Variants in KLHL13 observed in about 807,000 individuals in gnomAD.
KLHL13 encodes the protein kelch-like protein 13.
KLHL13 carries 10 observed loss-of-function variants against 37.1 expected under a neutral mutation model. The ratio of observed to expected loss-of-function variants is 0.27; its 90% CI spans 0.17 to 0.46. The LOEUF (loss-of-function observed/expected upper bound fraction) is 0.46, where lower values mean the gene tolerates loss of function less well. KLHL13 is among the 20% of genes least tolerant of loss of function. KLHL13 has a pLI of 1.00. For synonymous variants in KLHL13, 163 were observed against 181.2 expected, an observed-to-expected ratio of 0.90 and a Z score of 0.81; for missense variants, 360 against 509.3, an observed-to-expected ratio of 0.71 and a Z score of 2.82.
chrX:117,930,551 A>G (rs545336480), intron 2 of KLHL13, among the ~76,000 whole-genome samples: 1 of 112,009 alleles, frequency 8.9e-6, no homozygotes, highest in Non-Finnish European at 1.9e-5. Flanking sequence ...TTGACTTTCA[A>G]GTTGGTATGT....
At chrX:118,051,305 C>T (rs2054610577) in intron 1 of KLHL13, among the ~76,000 whole-genome samples, 1 of 110,471 alleles carries the variant, frequency 9.1e-6, no homozygotes, top group Admixed American at 9.7e-5. Flanking sequence ...CTTTGGGAGG[C>T]TGAGGTGGGC....
intron 1 of KLHL13, among the ~76,000 whole-genome samples, chrX:117,952,484 A>T (rs2147827666): frequency 9.4e-6 from 1 of 106,885 alleles, no homozygotes; most frequent in South Asian, 4.3e-4. Flanking sequence ...CATTCAGGAC[A>T]TAGGCATGGG....
exon 7 of KLHL13, chrX:117,899,241 G>A: frequency 8.3e-7 from 1 of 1,210,972 alleles, no homozygotes; most frequent in South Asian, 1.8e-5. Flanking sequence ...TTGTTCCTCT[G>A]AAGTGATTGC....
At chrX:118,046,894 T>C in intron 1 of KLHL13, among the ~76,000 whole-genome samples, 1 of 111,845 alleles carries the variant, frequency 8.9e-6, no homozygotes, top group South Asian at 3.8e-4. Flanking sequence ...ATCTACTTGA[T>C]TTAACAATTA....
chrX:117,998,618 T>C (rs140458537), intron 1 of KLHL13, among the ~76,000 whole-genome samples: 13 of 111,162 alleles, frequency 1.2e-4, no homozygotes, highest in Middle Eastern at 4.7e-3. Context: ...CACAGCACAA[T>C]GAAGGGTAGA....
At chrX:118,098,364 A>G (rs1430270304) in intron 1 of KLHL13, among the ~76,000 whole-genome samples, 3 of 111,765 alleles carry the variant, frequency 2.7e-5, no homozygotes, top group Non-Finnish European at 5.6e-5. Context: ...GCAAATCAAA[A>G]CCACAATGAG....
intron 1 of KLHL13, among the ~76,000 whole-genome samples, chrX:118,068,264 T>C (rs756945779): frequency 1.8e-5 from 2 of 111,600 alleles, no homozygotes; most frequent in Non-Finnish European, 3.8e-5. Flanking sequence ...GCACAATGGG[T>C]AGAGAGGAAG....
At chrX:118,077,721 C>T (rs6646066) in intron 1 of KLHL13, among the ~76,000 whole-genome samples, 1,942 of 111,101 alleles carry the variant, frequency 0.017, 45 homozygotes, top group African/African-American at 0.058. Flanking sequence ...GTTCTACTAT[C>T]TGAGACTGAT....
intron 2 of KLHL13, among the ~76,000 whole-genome samples, chrX:117,934,055 T>G (rs748563592): frequency 9.0e-6 from 1 of 111,126 alleles, no homozygotes; most frequent in African/African-American, 3.3e-5. Flanking sequence ...AATATCTATA[T>G]GTTCTCACTT....
At chrX:117,961,913 T>A in intron 1 of KLHL13, among the ~76,000 whole-genome samples, 1 of 110,009 alleles carries the variant, frequency 9.1e-6, no homozygotes. Flanking sequence ...GAAAAAACTG[T>A]AAGATAATAT....
intron 2 of KLHL13, among the ~76,000 whole-genome samples, chrX:117,922,613 AGTGTTCGTTT>A (rs1391692596): frequency 1.8e-5 from 2 of 111,693 alleles, no homozygotes; most frequent in African/African-American, 3.2e-5. Context: ...TTGTGCTTAA[AGTGTTCGTTT>A]GTGTTCGTTT....
At chrX:118,015,845 A>T (rs1445640926) in intron 1 of KLHL13, among the ~76,000 whole-genome samples, 1 of 111,421 alleles carries the variant, frequency 9.0e-6, no homozygotes, top group Non-Finnish European at 1.9e-5. Flanking sequence ...AACTGGTCTC[A>T]GAATTTCATG....
intron 1 of KLHL13, among the ~76,000 whole-genome samples, chrX:118,070,444 A>G (rs2054845983): frequency 8.9e-6 from 1 of 112,169 alleles, no homozygotes; most frequent in South Asian, 3.7e-4. Context: ...ATTGCACAGT[A>G]ACCAGAGAAT....
At chrX:117,938,338 A>T (rs867043340) in intron 2 of KLHL13, among the ~76,000 whole-genome samples, 1 of 111,398 alleles carries the variant, frequency 9.0e-6, no homozygotes, top group South Asian at 3.9e-4. Flanking sequence ...CATAAAATAT[A>T]TAGGGAGAAA....
intron 1 of KLHL13, among the ~76,000 whole-genome samples, chrX:117,989,957 T>C (rs1321728495): frequency 9.0e-6 from 1 of 111,189 alleles, no homozygotes; most frequent in Non-Finnish European, 1.9e-5. Context: ...CTTCCTTATG[T>C]TTGTATTATA....
Position 118,106,065 on chromosome X carries a change from CTA to C in KLHL13, c.-56+10441_-56+10442del, listed in dbSNP as rs10562906. On this transcript the variant is annotated intron_variant, in intron 1 of 6. Coordinates refer to the KLHL13 transcript ENST00000371882. ...TACAGGCACCTGCCACCACGCCCAG[CTA>C]TTTTTTTTTTTTTTTTGTATTTTTA... Among the ~76,000 whole-genome samples, 868 of 95,734 alleles carry C rather than the reference CTA, an allele frequency of 9.1e-3. 10 individuals are homozygous for C. Among genetic ancestry groups the C allele is most frequent in the African/African-American group, 0.036 (818 of 22,475 alleles). 83.1% of individuals were successfully genotyped at this position (95,734 alleles called of 115,157 possible). A position where few individuals can be genotyped will look rare whatever the true frequency, so the allele number is the denominator to read the frequency against.
chrX:118,104,372 T>C (rs2055323838), intron 1 of KLHL13, among the ~76,000 whole-genome samples: 1 of 111,876 alleles, frequency 8.9e-6, no homozygotes, highest in Non-Finnish European at 1.9e-5. Context: ...TATCAGTGTA[T>C]ACACATAAAA....
At chrX:117,958,688 G>A (rs2053242473) in intron 1 of KLHL13, among the ~76,000 whole-genome samples, 1 of 108,513 alleles carries the variant, frequency 9.2e-6, no homozygotes. Context: ...AAAACAAAGA[G>A]CAGTCAGGAT....
upstream of KLHL13, among the ~76,000 whole-genome samples, chrX:117,977,732 C>A (rs1488757006): frequency 8.9e-6 from 1 of 112,228 alleles, no homozygotes; most frequent in Non-Finnish European, 1.9e-5. Context: ...TATGTTCCAC[C>A]AATCAGTAAA....
Sources: gnomAD v4.1 joint callset for allele counts (sites outside exome capture counted in the v4.1 genomes callset) on GRCh38, gnomAD v4.1.1 for gene constraint, MANE v1.5 for transcripts, NCBI Gene and HGNC (gene_info 2026-07-23, HGNC 2026-07-21) for gene names.